TEX46: variants seen among roughly 807,000 people sequenced by gnomAD.
The protein encoded by TEX46 is testis expressed 46, also known as testis-expressed protein 46.
Under a neutral mutation model 5.3 loss-of-function variants are expected in TEX46, and 6 were observed. That is an observed-to-expected ratio of 1.13 (90% CI 0.62 to 2.23). The LOEUF is 2.23. Ranked by LOEUF, TEX46 falls within the 30% of genes most tolerant of loss-of-function variation. The pLI, the probability that TEX46 is intolerant of heterozygous loss-of-function variation, is 0.00. For missense variants in TEX46, 131 were observed against 150.9 expected, an observed-to-expected ratio of 0.87 and a Z score of 0.69; for synonymous variants, 41 against 54.6, an observed-to-expected ratio of 0.75 and a Z score of 1.10.
At chr1:23,013,100 A>G (rs1306002697) in intron 2 of TEX46, among the ~76,000 whole-genome samples, 3 of 152,116 alleles carry the variant, frequency 2.0e-5, no homozygotes, top group Non-Finnish European at 2.9e-5. Context: ...CCTGGCCTCA[A>G]GTGGTCGTTG....
intron 1 of TEX46, among the ~76,000 whole-genome samples, chr1:23,014,800 A>G (rs1205654613): frequency 6.6e-6 from 1 of 151,942 alleles, no homozygotes; most frequent in South Asian, 2.1e-4. Context: ...GCCTCAAGCA[A>G]TTCTCCCTCC....
At chr1:23,013,341 T>TAAAAAAAAAA (rs1641377844) in intron 2 of TEX46, among the ~76,000 whole-genome samples, 1 of 151,922 alleles carries the variant, frequency 6.6e-6, no homozygotes, top group African/African-American at 2.4e-5. Context: ...CCCAGCTAAT[T>TAAAAAAAAAA]TTTGTATTTT....
At chr1:23,013,195 T>G (rs1405432771) in intron 2 of TEX46, among the ~76,000 whole-genome samples, 1 of 149,754 alleles carries the variant, frequency 6.7e-6, no homozygotes, top group African/African-American at 2.5e-5. Flanking sequence ...TGTTTTTAGA[T>G]GGAAGCTTGC....
rs375315162 is a variant in TEX46, at chr1:23,011,186, T to C, written c.166-85A>G. The C allele has an allele frequency of 4.2e-5, 44 of 1,040,572 alleles. No homozygotes were observed. The African/African-American group carries it at 6.0e-4, about 14-fold the overall frequency. The allele number at this position is 1,040,572 out of a possible 1,614,324, so 64.5% of individuals were successfully genotyped here. On this transcript the variant is annotated intron_variant, in intron 2 of 2. Coordinates refer to ENST00000566855, the MANE Select transcript of TEX46 (RefSeq NM_001242521.2). ...TCTTGGAGTCGTTTTCAGAAGTCTT[T>C]GGTTTCTCTTCCTCCTTTTAAGCTC... is the stretch of plus-strand genomic sequence containing the variant.
chr1:23,011,521 TA>T (rs1490689824), intron 2 of TEX46, among the ~76,000 whole-genome samples: 3 of 151,794 alleles, frequency 2.0e-5, no homozygotes, highest in Non-Finnish European at 4.4e-5. Flanking sequence ...GCCTCCAGAG[TA>T]GCTGGGATTA....
At chr1:23,012,869 C>CT (rs58815269) in intron 2 of TEX46, among the ~76,000 whole-genome samples, 301 of 103,050 alleles carry the variant, frequency 2.9e-3, no homozygotes, top group South Asian at 0.018. Context: ...ATTGTTTTGC[C>CT]TTTTTTTTTT....
intron 2 of TEX46, among the ~76,000 whole-genome samples, chr1:23,013,527 T>C (rs957478131): frequency 6.6e-6 from 1 of 152,250 alleles, no homozygotes; most frequent in Non-Finnish European, 1.5e-5. Context: ...ACATTTCTGC[T>C]GTCTTCATTA....
At chr1:23,014,958 T>G (rs1411011698) in intron 1 of TEX46, among the ~76,000 whole-genome samples, 2 of 152,066 alleles carry the variant, frequency 1.3e-5, no homozygotes, top group Non-Finnish European at 2.9e-5. Context: ...TTTTCCTGCC[T>G]TAGCCTCCCA....
In TEX46 at chr1:23,014,081, GT is replaced by G. The variant is rs770607678; in HGVS notation, c.3-37del. ...ATATCAGTTCTGCCAGCATTATGGCGTGGAGGCACACAGGCCCCAGGACCCT... is the reference window on the plus strand; with the variant it reads ...ATATCAGTTCTGCCAGCATTATGGCGGGAGGCACACAGGCCCCAGGACCCT... On this transcript the variant is annotated intron_variant, in intron 1 of 2. Transcript: ENST00000566855. 5.9e-6 allele frequency: 9 copies of G among 1,527,690 alleles called. No homozygotes were observed. In the African/African-American group the frequency reaches 1.1e-4, roughly 19 times the overall value. 94.6% of individuals were successfully genotyped at this position (1,527,690 alleles called of 1,614,324 possible). A position where few individuals can be genotyped will look rare whatever the true frequency, so the allele number is the denominator to read the frequency against.
At chr1:23,015,029 G>T (rs6675104) in intron 1 of TEX46, among the ~76,000 whole-genome samples, 5,911 of 151,930 alleles carry the variant, frequency 0.039, 396 homozygotes, top group African/African-American at 0.13. Context: ...TTTTAGTGGA[G>T]ACAGGGTTTC....
chr1:23,015,145 G>T (rs1316026433), intron 1 of TEX46, among the ~76,000 whole-genome samples: 1 of 149,828 alleles, frequency 6.7e-6, no homozygotes, highest in Non-Finnish European at 1.5e-5. Flanking sequence ...GCCCAGTGAA[G>T]ACATCAGCTT....
chr1:23,013,895 T>C lies in TEX46; in HGVS notation c.153A>G (p.Pro51=), dbSNP rs1243925406. 2.6e-6 allele frequency: 4 copies of C among 1,535,878 alleles called. No individual in the cohort carries two copies. Among genetic ancestry groups the C allele is most frequent in the Non-Finnish European group, 3.5e-6 (4 of 1,146,852 alleles). ...ATCTTGTGCTCACCTGCTGGGGCTC[T>C]GGGAGGGTGAGCTTGTGTTCATACT... is the stretch of plus-strand genomic sequence containing the variant. ...LVKYEHKLTL[P]EPQQDEILQR... is the part of the protein sequence containing the mutation. Residue 51 remains proline, a synonymous_variant, in exon 2 of 3, where the codon CCA becomes CCG. Transcript: ENST00000566855.
chr1:23,011,175 T>A, intron 2 of TEX46, 74 bp from the exon 3 acceptor site: 1 of 1,221,262 alleles, frequency 8.2e-7, no homozygotes, highest in Non-Finnish European at 1.2e-6. Context: ...GGAGTCGTTT[T>A]CAGAAGTCTT....
In TEX46 at chr1:23,013,985, C is replaced by T; in HGVS notation, c.63G>A (p.Met21Ile). The change falls in exon 2 of 3, where the codon ATG becomes ATA. Residue 21 changes from methionine (M) to isoleucine (I), a missense_variant. Coordinates refer to ENST00000566855, the MANE Select transcript of TEX46 (RefSeq NM_001242521.2). ...GTIGAVAAWL[M>I]SYKPALFGFL... ...ACCCAAACAAGGCTGGCTTATAGCT[C>T]ATCAGCCAAGCTGCCACTGCTCCTA... is the stretch of plus-strand genomic sequence containing the variant. The T allele has an allele frequency of 6.5e-7, 1 of 1,536,036 alleles. No homozygotes were observed. Among genetic ancestry groups the T allele is most frequent in the African/African-American group, 1.4e-5 (1 of 73,160 alleles).
intron 2 of TEX46, 115 bp downstream of exon 2, chr1:23,013,768 T>C: frequency 1.0e-6 from 1 of 957,408 alleles, no homozygotes; most frequent in Non-Finnish European, 1.5e-6. Context: ...AGACCAGTCT[T>C]GGATTCCCCA....
In TEX46 at chr1:23,013,919, C is replaced by A. The variant is rs1641385255; in HGVS notation, c.129G>T (p.Lys43Asn). The change falls in exon 2 of 3, where the codon AAG becomes AAT. Residue 43 changes from lysine to asparagine, a missense_variant. Coordinates refer to ENST00000566855, the MANE Select transcript of TEX46 (RefSeq NM_001242521.2). Reference sequence around the variant, plus strand: ...CTGGGAGGGTGAGCTTGTGTTCATACTTGACCAACCAGTTGCTAAGCAACA... The same window carrying A: ...CTGGGAGGGTGAGCTTGTGTTCATAATTGACCAACCAGTTGCTAAGCAACA... The part of the protein sequence containing the change: ...LLLLLSNWLV[K>N]YEHKLTLPEP... The A allele has an allele frequency of 6.5e-7, 1 of 1,536,126 alleles. No homozygotes were observed. Among genetic ancestry groups the A allele is most frequent in the Non-Finnish European group, 8.7e-7 (1 of 1,146,902 alleles).
rs540456594 is a variant in TEX46, at chr1:23,015,603, TC to T, written c.2+168del. Among the ~76,000 whole-genome samples the T allele has an allele frequency of 5.3e-5, 8 of 152,122 alleles. No individual in the cohort carries two copies. The South Asian group carries it at 1.7e-3, about 32-fold the overall frequency. On this transcript the variant is annotated intron_variant, in intron 1 of 2. Transcript: ENST00000566855. ...CCAAAATGTGGAAGTAACCCAAGTG[TC>T]CATCCACAGATGAATGGATAATAAA...
intron 1 of TEX46, among the ~76,000 whole-genome samples, chr1:23,015,208 G>A (rs1641402756): frequency 6.6e-6 from 1 of 151,486 alleles, no homozygotes; most frequent in Admixed American, 6.6e-5. Flanking sequence ...CCAGCACTTT[G>A]GGAGGCTGAG....
At chr1:23,015,092 C>G (rs1457929926) in intron 1 of TEX46, among the ~76,000 whole-genome samples, 1 of 152,012 alleles carries the variant, frequency 6.6e-6, no homozygotes, top group Non-Finnish European at 1.5e-5. Flanking sequence ...ATCTGCCCAC[C>G]TCGGCCTCCC....
Sources: gnomAD v4.1 joint callset for allele counts (sites outside exome capture counted in the v4.1 genomes callset) on GRCh38, gnomAD v4.1.1 for gene constraint, MANE v1.5 for transcripts, NCBI Gene and HGNC (gene_info 2026-07-23, HGNC 2026-07-21) for gene names.